Variants in THADA observed in about 807,000 individuals in gnomAD.
The protein encoded by THADA is THADA armadillo repeat containing, also known as tRNA (32-2'-O)-methyltransferase regulator THADA.
THADA carries 213 observed loss-of-function variants against 219.8 expected under a neutral mutation model. That is an observed-to-expected ratio of 0.97 (90% CI 0.87 to 1.09). THADA has a LOEUF of 1.09. Among genes scored for constraint, THADA ranks in the 50% least tolerant of loss-of-function variants. The pLI is 0.00. For missense variants in THADA, 2,956 were observed against 2,311.3 expected (o/e 1.28, Z -5.72); for synonymous variants, 1,018 against 828.9 (o/e 1.23, Z -3.92).
At chr2:43,436,645 T>C (rs1487741764) in intron 26 of THADA, among the ~76,000 whole-genome samples, 2 of 152,156 alleles carry the variant, frequency 1.3e-5, no homozygotes, top group Admixed American at 1.3e-4. Context: ...CAGAACTGGA[T>C]AGGTTGGAAT....
chr2:43,352,983 T>A (rs1288149958), intron 29 of THADA, among the ~76,000 whole-genome samples: 1 of 152,206 alleles, frequency 6.6e-6, no homozygotes, highest in Non-Finnish European at 1.5e-5. Flanking sequence ...ATTCCACATA[T>A]AATTAAGATC....
intron 36 of THADA, among the ~76,000 whole-genome samples, chr2:43,243,498 G>A (rs1214189753): frequency 1.3e-5 from 2 of 152,158 alleles, no homozygotes; most frequent in Non-Finnish European, 2.9e-5. Context: ...CTTCGTGAAC[G>A]TCTCTGTGAG....
rs201735523 is a variant in THADA, at chr2:43,489,874, C to CAAAAAAAAAAAAAAAAAAAAAAAAA, written c.3745-4550_3745-4549insTTTTTTTTTTTTTTTTTTTTTTTTT. 1.8e-3 allele frequency among the ~76,000 whole-genome samples: 103 copies of CAAAAAAAAAAAAAAAAAAAAAAAAA among 56,048 alleles called. 8 individuals carry two copies. The highest frequency in any genetic ancestry group is 2.5e-3 in the African/African-American group (38 of 15,016). The allele number at this position is 56,048 out of a possible 152,430, so 36.8% of individuals were successfully genotyped here. On this transcript the variant is annotated intron_variant, in intron 25 of 37. Coordinates refer to ENST00000405975, the MANE Select transcript of THADA (RefSeq NM_022065.5). ...ATTTCCATATGTATTTTAAGATCTG[C>CAAAAAAAAAAAAAAAAAAAAAAAAA]AAAAAAAAAAAAAAAAAAAAGCTAG...
At chr2:43,471,209 CAT>C (rs1684864713) in intron 26 of THADA, among the ~76,000 whole-genome samples, 1 of 152,126 alleles carries the variant, frequency 6.6e-6, no homozygotes, top group South Asian at 2.1e-4. Flanking sequence ...ACAATTATAT[CAT>C]AGAGTATCTC....
At chr2:43,329,245 T>G (rs1393160344) in intron 30 of THADA, among the ~76,000 whole-genome samples, 1 of 152,224 alleles carries the variant, frequency 6.6e-6, no homozygotes, top group African/African-American at 2.4e-5. Context: ...ATTGTACAGT[T>G]TGGGGCTTGG....
chr2:43,292,900 C>A lies in THADA; in HGVS notation c.4752G>T (p.Leu1584=). 6.2e-7 allele frequency: 1 copy of A among 1,614,010 alleles called. No individual in the cohort carries two copies. ...GLGEKGVPPL[L]CNMGEKFLLL... ...ATAAGAACTTCTCTCCCATGTTGCACAGCAAGGGTGGCACGCCCTTCTCTC... is the reference window on the plus strand; with the variant it reads ...ATAAGAACTTCTCTCCCATGTTGCAAAGCAAGGGTGGCACGCCCTTCTCTC... The change falls in exon 32 of 38, where the codon CTG becomes CTT. Residue 1584 remains leucine, a synonymous_variant. Transcript: ENST00000405975.
At chr2:43,490,821 A>G (rs1418952657) in intron 25 of THADA, among the ~76,000 whole-genome samples, 1 of 152,134 alleles carries the variant, frequency 6.6e-6, no homozygotes, top group Non-Finnish European at 1.5e-5. Flanking sequence ...CATAGGGTTT[A>G]GTACTAACCA....
chr2:43,432,086 G>C lies in THADA; in HGVS notation c.3837-1784C>G, dbSNP rs1679421895. On this transcript the variant is annotated intron_variant, in intron 26 of 37. Coordinates refer to ENST00000405975, the MANE Select transcript of THADA (RefSeq NM_022065.5). ...TTAGCCGGGATGGTCTCGATCTCCTGACCTCGTGATCCGCCCGCCTCGGCC... is the reference window on the plus strand; with the variant it reads ...TTAGCCGGGATGGTCTCGATCTCCTCACCTCGTGATCCGCCCGCCTCGGCC... Among the ~76,000 whole-genome samples the C allele has an allele frequency of 1.5e-5, 2 of 136,584 alleles. 1 individual carries two copies. The highest frequency in any genetic ancestry group is 4.7e-4 in the South Asian group (2 of 4,234). The allele number at this position is 136,584 out of a possible 152,430, so 89.6% of individuals were successfully genotyped here.
intron 31 of THADA, among the ~76,000 whole-genome samples, chr2:43,296,755 G>C (rs1484966476): frequency 6.6e-6 from 1 of 152,166 alleles, no homozygotes; most frequent in Non-Finnish European, 1.5e-5. Context: ...GCTGCTAGAG[G>C]ACAGCATTAC....
At chr2:43,495,700 C>G (rs891998130) in intron 25 of THADA, among the ~76,000 whole-genome samples, 3 of 152,150 alleles carry the variant, frequency 2.0e-5, no homozygotes, top group African/African-American at 7.2e-5. Flanking sequence ...GCTTCACTCT[C>G]AGAAAGTCCT....
intron 31 of THADA, among the ~76,000 whole-genome samples, chr2:43,309,222 A>T (rs745661912): frequency 1.3e-5 from 2 of 152,258 alleles, no homozygotes; most frequent in Admixed American, 1.3e-4. Context: ...GATGCTCAAC[A>T]TTATCAGCCA....
chr2:43,278,342 T>G (rs1558506773), intron 36 of THADA, among the ~76,000 whole-genome samples: 1 of 152,160 alleles, frequency 6.6e-6, no homozygotes, highest in Non-Finnish European at 1.5e-5. Flanking sequence ...CAGCTACTTT[T>G]CAGTCTAAAG....
chr2:43,540,151 G>C (rs1695112175), intron 21 of THADA, among the ~76,000 whole-genome samples: 1 of 152,168 alleles, frequency 6.6e-6, no homozygotes, highest in Non-Finnish European at 1.5e-5. Flanking sequence ...CAAAGATGTT[G>C]GCATTGGCAC....
chr2:43,480,324 C>G (rs577244915), intron 26 of THADA, among the ~76,000 whole-genome samples: 4 of 152,302 alleles, frequency 2.6e-5, no homozygotes, highest in Admixed American at 2.0e-4. Context: ...CACAACTTCT[C>G]CTGTCCTTCT....
chr2:43,368,640 C>G (rs1211853846), intron 29 of THADA, among the ~76,000 whole-genome samples: 3 of 151,990 alleles, frequency 2.0e-5, no homozygotes, highest in African/African-American at 7.2e-5. Context: ...TCAAGTGATC[C>G]TCTTGTCTCA....
chr2:43,232,624 A>G, intron 37 of THADA, 89 bp downstream of exon 37: 1 of 1,422,752 alleles, frequency 7.0e-7, no homozygotes, highest in Non-Finnish European at 9.6e-7. Context: ...CTAAGCATGC[A>G]AAAGCCCAGC....
Position 43,568,441 on chromosome 2 carries a change from C to A in THADA, c.2188-1620G>T, listed in dbSNP as rs146912669. 3.1e-3 allele frequency among the ~76,000 whole-genome samples: 476 copies of A among 152,236 alleles called. 4 individuals carry two copies. Among genetic ancestry groups the A allele is most frequent in the African/African-American group, 0.011 (463 of 41,522 alleles). On this transcript the variant is annotated intron_variant, in intron 14 of 37. Transcript: ENST00000405975. ...TAACAATATAGTGCCAAGGTCACAA[C>A]CTCTAAAAGCCACAGGTGTACCAGT...
chr2:43,511,009 A>AT (rs897322483), intron 22 of THADA, among the ~76,000 whole-genome samples: 4 of 151,050 alleles, frequency 2.6e-5, no homozygotes, highest in African/African-American at 7.3e-5. Context: ...AAAAGCAAAA[A>AT]TTTTTTTTTG....
intron 5 of THADA, 26 bp from the exon 6 acceptor site, chr2:43,586,760 T>C (rs910986305): frequency 1.2e-6 from 2 of 1,611,590 alleles, no homozygotes; most frequent in Non-Finnish European, 8.5e-7. Context: ...TGAACACTGG[T>C]AAGGAGTTTC....
Sources: gnomAD v4.1 joint callset for allele counts (sites outside exome capture counted in the v4.1 genomes callset) on GRCh38, gnomAD v4.1.1 for gene constraint, MANE v1.5 for transcripts, NCBI Gene and HGNC (gene_info 2026-07-23, HGNC 2026-07-21) for gene names.